Variants in ANKFN1 observed in about 807,000 individuals in gnomAD.
ANKFN1 encodes ankyrin repeat and fibronectin type III domain containing 1.
A neutral mutation model predicts 108.7 loss-of-function variants in ANKFN1; 74 were observed. That is an observed-to-expected ratio of 0.68 (90% CI 0.56 to 0.83). ANKFN1 has a LOEUF of 0.83. ANKFN1 is among the 40% of genes least tolerant of loss of function. ANKFN1 has a pLI of 0.00. For synonymous variants in ANKFN1, 547 were observed against 516.2 expected (o/e 1.06, Z -0.81); for missense variants, 1,505 against 1,382.3 (o/e 1.09, Z -1.41).
intron 1 of ANKFN1, among the ~76,000 whole-genome samples, chr17:56,163,986 TG>T (rs1366272036): frequency 6.6e-6 from 1 of 152,230 alleles, no homozygotes; most frequent in Non-Finnish European, 1.5e-5. Flanking sequence ...TCATGGAATT[TG>T]GGTAAATCTG....
At chr17:56,395,573 G>T (rs2047555315) in intron 8 of ANKFN1, among the ~76,000 whole-genome samples, 1 of 152,192 alleles carries the variant, frequency 6.6e-6, no homozygotes, top group Non-Finnish European at 1.5e-5. Flanking sequence ...TGTAGGCCGG[G>T]TGCCATGGCT....
At chr17:56,449,002 C>A in intron 10 of ANKFN1, 77 bp from the exon 11 acceptor site, 1 of 1,280,586 alleles carries the variant, frequency 7.8e-7, no homozygotes, top group Non-Finnish European at 1.1e-6. Flanking sequence ...GAGCAAAACT[C>A]CGGCTCCTGA....
intron 8 of ANKFN1, among the ~76,000 whole-genome samples, chr17:56,418,315 A>C (rs1001777311): frequency 6.6e-6 from 1 of 152,176 alleles, no homozygotes; most frequent in African/African-American, 2.4e-5. Context: ...GGCCTTATGG[A>C]TCTTTTGCTT....
intron 4 of ANKFN1, among the ~76,000 whole-genome samples, chr17:56,067,967 G>A (rs1905079544): frequency 6.6e-6 from 1 of 152,058 alleles, no homozygotes; most frequent in Non-Finnish European, 1.5e-5. Context: ...CAAAGCCTTA[G>A]CCTATCATCT....
chr17:56,504,626 T>C (rs2051490071), intron 20 of ANKFN1, among the ~76,000 whole-genome samples: 1 of 152,174 alleles, frequency 6.6e-6, no homozygotes, highest in African/African-American at 2.4e-5. Context: ...TCAATATTAA[T>C]ATCTTCTGTT....
intron 4 of ANKFN1, among the ~76,000 whole-genome samples, chr17:56,107,074 A>G (rs1905764920): frequency 6.6e-6 from 1 of 152,134 alleles, no homozygotes; most frequent in African/African-American, 2.4e-5. Context: ...CTTTGATGTC[A>G]GGGATCAAGT....
chr17:56,219,245 G>T (rs541686963), intron 2 of ANKFN1, among the ~76,000 whole-genome samples: 18 of 132,130 alleles, frequency 1.4e-4, no homozygotes, highest in African/African-American at 6.3e-4. Context: ...ATTTGTTTTT[G>T]TTTGTTTATT....
At chr17:56,199,922 C>A (rs962643193) in intron 1 of ANKFN1, among the ~76,000 whole-genome samples, 2 of 152,186 alleles carry the variant, frequency 1.3e-5, no homozygotes, top group African/African-American at 4.8e-5. Flanking sequence ...AAGTTCACAT[C>A]TGGGATCACA....
upstream of ANKFN1, among the ~76,000 whole-genome samples, chr17:56,152,289 T>C (rs968790810): frequency 7.2e-5 from 11 of 151,834 alleles, no homozygotes; most frequent in Admixed American, 7.2e-4. Flanking sequence ...TGTGTGTGTG[T>C]GTGTGTGTGT....
At chr17:56,166,567 G>A (rs898923711) in intron 1 of ANKFN1, among the ~76,000 whole-genome samples, 6 of 152,170 alleles carry the variant, frequency 3.9e-5, no homozygotes, top group African/African-American at 1.4e-4. Flanking sequence ...CTAACGTGAA[G>A]CCCATACTGC....
chr17:56,046,992 T>C (rs968268565), intron 4 of ANKFN1, among the ~76,000 whole-genome samples: 6 of 152,216 alleles, frequency 3.9e-5, no homozygotes, highest in Non-Finnish European at 7.3e-5. Context: ...CTTTTCTTTT[T>C]TTTTAAATTA....
At chr17:56,344,190 T>A (rs573965737) in intron 4 of ANKFN1, among the ~76,000 whole-genome samples, 1 of 152,182 alleles carries the variant, frequency 6.6e-6, no homozygotes, top group East Asian at 1.9e-4. Context: ...ATGTAGCAAC[T>A]CTGGAAACTA....
chr17:56,516,257 AGTGTG>A lies in ANKFN1; in HGVS notation c.*4989_*4993del, dbSNP rs1269235159. 6.7e-6 allele frequency among the ~76,000 whole-genome samples: 1 copy of A among 148,362 alleles called. No homozygotes were observed. Among genetic ancestry groups the A allele is most frequent in the Non-Finnish European group, 1.5e-5 (1 of 66,756 alleles). ...GTTTGATGTTTGTGATTTTTAAAAA[AGTGTG>A]TGTGTGTGTGTGTGTGTGTGCGTGT... On this transcript the variant is annotated 3_prime_UTR_variant, in exon 21 of 21. Transcript: ENST00000682825.
intron 8 of ANKFN1, among the ~76,000 whole-genome samples, chr17:56,429,720 A>G (rs2048691879): frequency 6.6e-6 from 1 of 152,182 alleles, no homozygotes; most frequent in Admixed American, 6.5e-5. Flanking sequence ...TGCTTTGAAA[A>G]GATTGTTCCA....
At chr17:56,453,967 AAG>A (rs1262531904) in intron 11 of ANKFN1, among the ~76,000 whole-genome samples, 1 of 152,144 alleles carries the variant, frequency 6.6e-6, no homozygotes, top group Non-Finnish European at 1.5e-5. Context: ...GTGATGTACT[AAG>A]GCATCTGTTG....
chr17:56,382,400 G>T (rs971857896), intron 8 of ANKFN1, among the ~76,000 whole-genome samples: 18 of 152,160 alleles, frequency 1.2e-4, no homozygotes, highest in Non-Finnish European at 2.1e-4. Context: ...GACCATCGAG[G>T]CTAGGAAGAA....
chr17:56,163,801 T>A (rs1909900315), intron 1 of ANKFN1, among the ~76,000 whole-genome samples: 1 of 152,214 alleles, frequency 6.6e-6, no homozygotes, highest in Non-Finnish European at 1.5e-5. Context: ...CCATCAGACT[T>A]AGAAGACAAT....
intron 4 of ANKFN1, among the ~76,000 whole-genome samples, chr17:56,331,973 A>T (rs1390764719): frequency 6.6e-6 from 1 of 152,160 alleles, no homozygotes; most frequent in East Asian, 1.9e-4. Context: ...GTTGGCTTCC[A>T]GGTAGCCCTC....
intron 8 of ANKFN1, among the ~76,000 whole-genome samples, chr17:56,389,850 T>A (rs2047378470): frequency 6.6e-6 from 1 of 152,088 alleles, no homozygotes; most frequent in Non-Finnish European, 1.5e-5. Flanking sequence ...ATTCCACACC[T>A]GCTACATTAC....
Sources: allele counts gnomAD v4.1 joint callset (sites outside exome capture counted in the v4.1 genomes callset), GRCh38; gene constraint gnomAD v4.1.1; transcripts MANE v1.5; gene names NCBI Gene and HGNC (gene_info 2026-07-23, HGNC 2026-07-21).